The following LYPLAL1 variants were observed in gnomAD, a reference collection of about 807,000 sequenced individuals.
LYPLAL1 encodes lysophospholipase-like protein 1.
In LYPLAL1, 23 loss-of-function variants were observed where a neutral mutation model predicts 19.7. The ratio of observed to expected loss-of-function variants is 1.17; its 90% CI spans 0.84 to 1.65. The LOEUF (loss-of-function observed/expected upper bound fraction) is 1.65. Ranked by LOEUF, LYPLAL1 falls within the 40% of genes most tolerant of loss-of-function variation. The probability of loss-of-function intolerance (pLI) is 0.00; values close to 1 mark genes in which losing one functional copy is unlikely to be tolerated. For missense variants in LYPLAL1, 355 were observed against 279.4 expected, an observed-to-expected ratio of 1.27 and a Z score of -1.93; for synonymous variants, 119 against 96.3, an observed-to-expected ratio of 1.24 and a Z score of -1.38.
At chr1:219,289,638 ACT>A in the LYPLAL1 span, among the ~76,000 whole-genome samples, 1 of 152,036 alleles carries the variant, frequency 6.6e-6, no homozygotes, top group African/African-American at 2.4e-5. Context: ...GTAGAAAATT[ACT>A]CTCAGTCTTT....
At chr1:219,305,431 A>C in the LYPLAL1 span, among the ~76,000 whole-genome samples, 3 of 152,242 alleles carry the variant, frequency 2.0e-5, no homozygotes, top group South Asian at 6.2e-4. Context: ...CTGAAGAAAA[A>C]AACAGCCGAA....
In LYPLAL1 at chr1:219,183,532, A is replaced by G. The variant is rs527528181; in HGVS notation, c.191+4286A>G. ...TAAAATTATGCACCTATTTACCTCAATTAAGTTGGAGAATATTCTCATCAC... is the reference window on the plus strand; with the variant it reads ...TAAAATTATGCACCTATTTACCTCAGTTAAGTTGGAGAATATTCTCATCAC... On this transcript the variant is annotated intron_variant, in intron 2 of 4. Coordinates refer to ENST00000366928, the MANE Select transcript of LYPLAL1 (RefSeq NM_138794.5). Among the ~76,000 whole-genome samples the G allele has an allele frequency of 3.9e-5, 6 of 152,110 alleles. No individual in the cohort carries two copies. The South Asian group carries it at 1.2e-3, about 32-fold the overall frequency.
chr1:219,314,735 A>G, the LYPLAL1 span, among the ~76,000 whole-genome samples: 1 of 152,224 alleles, frequency 6.6e-6, no homozygotes, highest in African/African-American at 2.4e-5. Context: ...CCTGGCTGAC[A>G]GAGAGTTTTT....
At chr1:219,390,399 A>G in the LYPLAL1 span, among the ~76,000 whole-genome samples, 1 of 152,316 alleles carries the variant, frequency 6.6e-6, no homozygotes, top group African/African-American at 2.4e-5. Context: ...TAAATAACCA[A>G]GGAAGATTAA....
the LYPLAL1 span, among the ~76,000 whole-genome samples, chr1:219,403,091 ATGT>A: frequency 6.6e-6 from 1 of 152,234 alleles, no homozygotes; most frequent in East Asian, 1.9e-4. Context: ...AACCAATTTC[ATGT>A]TGTGACTACA....
At chr1:219,403,905 A>G in the LYPLAL1 span, among the ~76,000 whole-genome samples, 1 of 152,130 alleles carries the variant, frequency 6.6e-6, no homozygotes, top group East Asian at 1.9e-4. Context: ...ATAACAAAAT[A>G]CCGTAGGCTG....
At chr1:219,259,677 C>T in the LYPLAL1 span, among the ~76,000 whole-genome samples, 1 of 151,158 alleles carries the variant, frequency 6.6e-6, no homozygotes, top group Non-Finnish European at 1.5e-5. Context: ...AAAGACTATA[C>T]CCTGGGTATA....
At chr1:219,282,216 TA>T in the LYPLAL1 span, among the ~76,000 whole-genome samples, 13 of 151,818 alleles carry the variant, frequency 8.6e-5, no homozygotes, top group Admixed American at 5.9e-4. Context: ...CTCCTGTCTA[TA>T]AAAAATATAA....
chr1:219,327,675 GA>G, the LYPLAL1 span, among the ~76,000 whole-genome samples: 37 of 152,330 alleles, frequency 2.4e-4, no homozygotes, highest in Non-Finnish European at 5.0e-4. Flanking sequence ...ATCTCATCTT[GA>G]ACTGTAGCTC....
In LYPLAL1 at chr1:219,193,238, C is replaced by T. The variant is rs1463638125; in HGVS notation, c.348C>T (p.Asn116=). 5.0e-6 allele frequency: 8 copies of T among 1,608,992 alleles called. No homozygotes were observed. The African/African-American group carries it at 1.1e-4, about 22-fold the overall frequency. Residue 116 remains asparagine (N), a synonymous_variant, in exon 3 of 5, where the codon AAC becomes AAT. Transcript: ENST00000366928. ...DEEVKSGIKK[N]RILIGGFSMG... is the part of the protein sequence containing the mutation. ...AAGTAAAAAGTGGCATCAAGAAGAA[C>T]AGGATATTAATAGGTAAGACCTTTA...
chr1:219,436,475 G>A, the LYPLAL1 span, among the ~76,000 whole-genome samples: 1 of 152,068 alleles, frequency 6.6e-6, no homozygotes, highest in African/African-American at 2.4e-5. Flanking sequence ...AGTAATAGGG[G>A]CCCTTGGCAC....
At chr1:219,389,603 A>G in the LYPLAL1 span, among the ~76,000 whole-genome samples, 1 of 152,182 alleles carries the variant, frequency 6.6e-6, no homozygotes, top group African/African-American at 2.4e-5. Flanking sequence ...GCTCAGAATA[A>G]CCCTTATGCT....
At chr1:219,310,327 C>T in the LYPLAL1 span, among the ~76,000 whole-genome samples, 1 of 152,182 alleles carries the variant, frequency 6.6e-6, no homozygotes, top group Non-Finnish European at 1.5e-5. Flanking sequence ...ATGCAGTCAG[C>T]CCTGCCTGCT....
chr1:219,317,906 G>A, the LYPLAL1 span, among the ~76,000 whole-genome samples: 3 of 152,166 alleles, frequency 2.0e-5, no homozygotes, highest in Admixed American at 1.3e-4. Flanking sequence ...TGGTCTATCA[G>A]CATCTTTTGT....
At chr1:219,384,175 C>G in the LYPLAL1 span, among the ~76,000 whole-genome samples, 1 of 152,168 alleles carries the variant, frequency 6.6e-6, no homozygotes, top group African/African-American at 2.4e-5. Context: ...TCTTGTGATT[C>G]ATTTATGGGA....
At chr1:219,225,056 ACT>A in the LYPLAL1 span, among the ~76,000 whole-genome samples, 2 of 151,544 alleles carry the variant, frequency 1.3e-5, no homozygotes, top group African/African-American at 4.9e-5. Context: ...GGTCCTTTTG[ACT>A]CTATTGTTTC....
At chr1:219,341,919 C>A in the LYPLAL1 span, among the ~76,000 whole-genome samples, 1 of 152,042 alleles carries the variant, frequency 6.6e-6, no homozygotes, top group Admixed American at 6.6e-5. Context: ...ATTTGTTTTA[C>A]TGAAGAGAAG....
chr1:219,256,755 C>T, the LYPLAL1 span, among the ~76,000 whole-genome samples: 1 of 151,908 alleles, frequency 6.6e-6, no homozygotes, highest in African/African-American at 2.4e-5. Context: ...CTGCATTCTC[C>T]AAGTTGTCAT....
chr1:219,295,044 G>A, the LYPLAL1 span, among the ~76,000 whole-genome samples: 25 of 152,166 alleles, frequency 1.6e-4, no homozygotes, highest in African/African-American at 5.8e-4. Flanking sequence ...TTGCTCCTGA[G>A]AAAATTGAGT....
Sources: allele counts gnomAD v4.1 joint callset (sites outside exome capture counted in the v4.1 genomes callset), GRCh38; gene constraint gnomAD v4.1.1; transcripts MANE v1.5; gene names NCBI Gene and HGNC (gene_info 2026-07-23, HGNC 2026-07-21).